The following ZDHHC7 variants were observed in gnomAD, a reference collection of about 807,000 sequenced individuals.
ZDHHC7 encodes zDHHC palmitoyltransferase 7, also known as palmitoyltransferase ZDHHC7.
ZDHHC7 carries 12 observed loss-of-function variants against 34.1 expected under a neutral mutation model. The ratio of observed to expected loss-of-function variants is 0.35; its 90% CI spans 0.23 to 0.57. ZDHHC7 has a LOEUF of 0.57. Among genes scored for constraint, ZDHHC7 ranks in the 20% least tolerant of loss-of-function variants. The pLI is 0.84. For missense variants in ZDHHC7, 388 were observed against 402.7 expected, an observed-to-expected ratio of 0.96 and a Z score of 0.31; for synonymous variants, 185 against 155.4, an observed-to-expected ratio of 1.19 and a Z score of -1.42.
At chr16:84,976,648 C>G in intron 7 of ZDHHC7, 129 bp from the exon 8 acceptor site, 7 of 1,283,978 alleles carry the variant, frequency 5.5e-6, no homozygotes, top group Non-Finnish European at 7.5e-6. Flanking sequence ...AACTCTCCTT[C>G]CCAGCTCTGC....
At chr16:85,016,537 C>A in the ZDHHC7 span, among the ~76,000 whole-genome samples, 2 of 152,100 alleles carry the variant, frequency 1.3e-5, no homozygotes, top group South Asian at 4.1e-4. Flanking sequence ...CTCACTGCAG[C>A]CTCGAACTCC....
At chr16:84,993,901 G>A (rs1428837435) in intron 2 of ZDHHC7, among the ~76,000 whole-genome samples, 1 of 152,174 alleles carries the variant, frequency 6.6e-6, no homozygotes, top group African/African-American at 2.4e-5. Context: ...TGAAAAGGGA[G>A]TTCTCTTCTT....
At chr16:84,997,361 C>T (rs1338784024) in intron 1 of ZDHHC7, among the ~76,000 whole-genome samples, 2 of 148,772 alleles carry the variant, frequency 1.3e-5, no homozygotes, top group Non-Finnish European at 3.0e-5. Flanking sequence ...CTCCACCTCC[C>T]GGGTTCACGC....
rs556710720 is a variant in ZDHHC7 at position 84,998,895 on chromosome 16, A to G, written c.-103-2888T>C. Among the ~76,000 whole-genome samples, 27 of 151,978 alleles carry G rather than the reference A, an allele frequency of 1.8e-4. 1 individual carries two copies. The highest frequency in any genetic ancestry group is 6.8e-3 in the Middle Eastern group (2 of 294). On this transcript the variant is annotated intron_variant, in intron 1 of 7. Coordinates refer to ENST00000313732, the MANE Select transcript of ZDHHC7 (RefSeq NM_017740.3). ...CAGCCTCCCGAGTAGCTGGGATTACAGGTGCACGCCACCACTCCCAGCTAA... is the reference window on the plus strand; with the variant it reads ...CAGCCTCCCGAGTAGCTGGGATTACGGGTGCACGCCACCACTCCCAGCTAA...
chr16:84,990,589 G>A lies in ZDHHC7; in HGVS notation c.30C>T (p.Asp10=), dbSNP rs148637342. The A allele has an allele frequency of 3.2e-4, 518 of 1,613,974 alleles. No individual in the cohort carries two copies. The highest frequency in any genetic ancestry group is 3.1e-3 in the Middle Eastern group (19 of 6,062). Residue 10 remains aspartate, a synonymous_variant, in exon 3 of 8, where the codon GAC becomes GAT. Transcript: ENST00000313732. Reference sequence around the variant, plus strand: ...CAGCCAGGAGAGGATGATGCTCGACGTCCCGGAGCCTGTGTCCTGATGGCT... The same window carrying A: ...CAGCCAGGAGAGGATGATGCTCGACATCCCGGAGCCTGTGTCCTGATGGCT... MQPSGHRLR[D]VEHHPLLAEN...
At position 84,979,297 on chromosome 16, in the gene ZDHHC7, A is replaced by G. The variant is rs772180731; in HGVS notation, c.441-12T>C. 6.2e-7 allele frequency: 1 copy of G among 1,607,340 alleles called. No homozygotes were observed. The highest frequency in any genetic ancestry group is 8.5e-7 in the Non-Finnish European group (1 of 1,178,592). On this transcript the variant is annotated splice_polypyrimidine_tract_variant and intron_variant, in intron 4 of 7. Coordinates refer to ENST00000313732, the MANE Select transcript of ZDHHC7 (RefSeq NM_017740.3). The stretch of plus-strand genomic sequence containing the variant: ...ATCTTTTGCAAATACTGAAAAGGAG[A>G]GTTTGATTTTTCAGTATTCCATGCT...
At chr16:85,013,696 G>C (rs759904494), upstream of ZDHHC7, among the ~76,000 whole-genome samples, 82 of 151,076 alleles carry the variant, frequency 5.4e-4, no homozygotes, top group Non-Finnish European at 1.1e-3. Context: ...TTTTTGTTTT[G>C]TTTTGTTTTT....
Position 84,990,126 on chromosome 16 carries a change from G to A in ZDHHC7, c.315+178C>T, listed in dbSNP as rs969002998. On this transcript the variant is annotated intron_variant, in intron 3 of 7. Transcript: ENST00000313732. Reference sequence around the variant, plus strand: ...GGGGTATTTCACTGCGCTAGGTCTGGCCTATGTTTATTCTCAGCCTAAAGG... The same window carrying A: ...GGGGTATTTCACTGCGCTAGGTCTGACCTATGTTTATTCTCAGCCTAAAGG... 3.1e-4 allele frequency among the ~76,000 whole-genome samples: 47 copies of A among 152,148 alleles called. 1 individual carries two copies. Among genetic ancestry groups the A allele is most frequent in the Admixed American group, 3.1e-3 (47 of 15,278 alleles).
At chr16:84,984,417 A>G (rs1340521057) in intron 3 of ZDHHC7, among the ~76,000 whole-genome samples, 3 of 152,194 alleles carry the variant, frequency 2.0e-5, no homozygotes, top group Non-Finnish European at 4.4e-5. Context: ...CCCAGGTGAC[A>G]GTCGAGTGTT....
At chr16:85,023,037 A>G in the ZDHHC7 span, among the ~76,000 whole-genome samples, 1 of 152,232 alleles carries the variant, frequency 6.6e-6, no homozygotes, top group Non-Finnish European at 1.5e-5. Context: ...GGTGGCCTCT[A>G]GAAGCCAGAG....
upstream of ZDHHC7, among the ~76,000 whole-genome samples, chr16:85,016,141 G>C (rs1377284095): frequency 1.3e-5 from 2 of 152,050 alleles, no homozygotes; most frequent in African/African-American, 4.8e-5. Flanking sequence ...CATTCAGTTG[G>C]TTGGGGGGCT....
In ZDHHC7 at chr16:84,977,906, C is replaced by A. The variant is rs1210987402; in HGVS notation, c.619+18G>T. The A allele has an allele frequency of 6.2e-7, 1 of 1,603,236 alleles. No individual in the cohort carries two copies. Among genetic ancestry groups the A allele is most frequent in the Non-Finnish European group, 8.5e-7 (1 of 1,171,848 alleles). ...ACAGCATGCAAAGCCAGGAATGACACATAGCCAGGGAACTTACCAGTCCAC... is the reference window on the plus strand; with the variant it reads ...ACAGCATGCAAAGCCAGGAATGACAAATAGCCAGGGAACTTACCAGTCCAC... On this transcript the variant is annotated intron_variant, in intron 6 of 7. Transcript: ENST00000313732.
At chr16:85,003,171 G>C (rs968065793) in intron 1 of ZDHHC7, among the ~76,000 whole-genome samples, 1 of 152,202 alleles carries the variant, frequency 6.6e-6, no homozygotes, top group Non-Finnish European at 1.5e-5. Flanking sequence ...GGTAAGCCAA[G>C]TGACCGAAAC....
upstream of ZDHHC7, among the ~76,000 whole-genome samples, chr16:85,012,808 G>C (rs2072811621): frequency 1.3e-5 from 2 of 152,250 alleles, no homozygotes; most frequent in Non-Finnish European, 2.9e-5. Context: ...GGGAGGCTGA[G>C]GCAGGAGAAA....
At position 84,988,848 on chromosome 16, in the gene ZDHHC7, G is replaced by C. The variant is rs775935675; in HGVS notation, c.315+1456C>G. Reference sequence around the variant, plus strand: ...CAGCCCAGTTTTCACTGTGCAGGCAGATGGTCGGCAGTCACTGGATTTTTC... The same window carrying C: ...CAGCCCAGTTTTCACTGTGCAGGCACATGGTCGGCAGTCACTGGATTTTTC... On this transcript the variant is annotated intron_variant, in intron 3 of 7. Coordinates refer to ENST00000313732, the MANE Select transcript of ZDHHC7 (RefSeq NM_017740.3). 4 of 1,551,772 alleles carry C rather than the reference G, an allele frequency of 2.6e-6. No homozygotes were observed. In the East Asian group the frequency reaches 9.8e-5, roughly 38 times the overall value.
At chr16:84,987,418 T>C (rs2072450682) in intron 3 of ZDHHC7, among the ~76,000 whole-genome samples, 1 of 151,840 alleles carries the variant, frequency 6.6e-6, no homozygotes, top group Admixed American at 6.6e-5. Context: ...GAATGTAAAA[T>C]GGTGTGGATG....
intron 1 of ZDHHC7, among the ~76,000 whole-genome samples, chr16:85,007,712 T>G (rs1356267372): frequency 6.6e-6 from 1 of 152,036 alleles, no homozygotes; most frequent in Admixed American, 6.5e-5. Context: ...GAACTAAGGT[T>G]GAGAGCTCTC....
At chr16:84,984,281 A>G (rs1181750340) in intron 3 of ZDHHC7, among the ~76,000 whole-genome samples, 1 of 152,096 alleles carries the variant, frequency 6.6e-6, no homozygotes, top group Non-Finnish European at 1.5e-5. Flanking sequence ...TCAGCTTCTC[A>G]AAGTGCTAGG....
Position 84,977,179 on chromosome 16 carries a change from G to A in ZDHHC7, c.666C>T (p.Phe222=). The part of the protein sequence containing the change: ...SPPITVILLI[F]LCLEGLLFFT... The stretch of plus-strand genomic sequence containing the variant: ...AAAACAGAAGACCCTCAAGGCACAG[G>A]AAGATCAACAGGATTACAGTTATCG... The change falls in exon 7 of 8, where the codon TTC becomes TTT. Residue 222 remains phenylalanine, a synonymous_variant. Coordinates refer to ENST00000313732, the MANE Select transcript of ZDHHC7 (RefSeq NM_017740.3). 1 of 1,614,186 alleles carries A rather than the reference G, an allele frequency of 6.2e-7. No individual in the cohort carries two copies. The highest frequency in any genetic ancestry group is 1.3e-5 in the African/African-American group (1 of 75,040).
Sources: allele counts gnomAD v4.1 joint callset (sites outside exome capture counted in the v4.1 genomes callset), GRCh38; gene constraint gnomAD v4.1.1; transcripts MANE v1.5; gene names NCBI Gene and HGNC (gene_info 2026-07-23, HGNC 2026-07-21).